TAFA2: variants seen among roughly 807,000 people sequenced by gnomAD.
TAFA2 encodes the protein TAFA chemokine like family member 2, also known as chemokine-like protein TAFA-2.
A neutral mutation model predicts 18.8 loss-of-function variants in TAFA2; 7 were observed. The ratio of observed to expected loss-of-function variants is 0.37; its 90% confidence interval spans 0.21 to 0.70. The LOEUF is 0.70. Ranked by LOEUF, TAFA2 falls within the 30% of genes least tolerant of loss-of-function variation. The probability of loss-of-function intolerance (pLI) is 0.53; values close to 1 mark genes in which losing one functional copy is unlikely to be tolerated. For missense variants in TAFA2, 122 were observed against 158.1 expected, an observed-to-expected ratio of 0.77 and a Z score of 1.23; for synonymous variants, 60 against 54.2, an observed-to-expected ratio of 1.11 and a Z score of -0.47.
At chr12:61,861,985 G>A (rs1478400762) in intron 2 of TAFA2, among the ~76,000 whole-genome samples, 1 of 151,624 alleles carries the variant, frequency 6.6e-6, no homozygotes, top group African/African-American at 2.4e-5. Flanking sequence ...TTTTTTCGTG[G>A]GTATAACTCA....
intron 4 of TAFA2, among the ~76,000 whole-genome samples, chr12:61,735,207 ATTTGCT>A (rs1868283866): frequency 6.6e-6 from 1 of 151,910 alleles, no homozygotes; most frequent in African/African-American, 2.4e-5. Flanking sequence ...TAGCAATAGT[ATTTGCT>A]GCAAATTCTT....
chr12:62,014,470 A>C (rs928086031), intron 1 of TAFA2, among the ~76,000 whole-genome samples: 1 of 152,130 alleles, frequency 6.6e-6, no homozygotes. Flanking sequence ...CTCTACAAAA[A>C]AAAATACAAA....
intron 1 of TAFA2, among the ~76,000 whole-genome samples, chr12:61,964,410 T>C (rs1056389654): frequency 1.3e-5 from 2 of 151,848 alleles, no homozygotes; most frequent in African/African-American, 4.8e-5. Flanking sequence ...TTCTACTGTC[T>C]TTCCTCTGTG....
chr12:62,010,778 G>A (rs1462908292), intron 1 of TAFA2, among the ~76,000 whole-genome samples: 3 of 150,472 alleles, frequency 2.0e-5, no homozygotes, highest in Non-Finnish European at 3.0e-5. Flanking sequence ...TGGGAGGTGA[G>A]GGGCGCCTCT....
chr12:61,779,331 C>T (rs1240575258), intron 2 of TAFA2, among the ~76,000 whole-genome samples: 3 of 151,770 alleles, frequency 2.0e-5, no homozygotes, highest in Non-Finnish European at 2.9e-5. Context: ...ACACTATGCA[C>T]TGGTAGAAAC....
At chr12:61,714,895 C>T (rs77296142) in intron 4 of TAFA2, among the ~76,000 whole-genome samples, 2,133 of 152,306 alleles carry the variant, frequency 0.014, 41 homozygotes, top group African/African-American at 0.049. Context: ...AGAGGCATAA[C>T]GACAAATAGC....
Position 61,761,616 on chromosome 12 carries a change from A to G in TAFA2, c.107-6592T>C, listed in dbSNP as rs560708286. On this transcript the variant is annotated intron_variant, in intron 2 of 4. Transcript: ENST00000416284. The stretch of plus-strand genomic sequence containing the variant: ...TGTGTGATGAGCATTATTTCATTTT[A>G]TCAATGCAATAACCACTGACAAGGA... 5.9e-5 allele frequency among the ~76,000 whole-genome samples: 9 copies of G among 152,218 alleles called. No homozygotes were observed. In the South Asian group the frequency reaches 1.5e-3, roughly 25 times the overall value.
intron 1 of TAFA2, among the ~76,000 whole-genome samples, chr12:62,216,020 G>A (rs1427166730): frequency 6.6e-6 from 1 of 152,092 alleles, no homozygotes; most frequent in Non-Finnish European, 1.5e-5. Flanking sequence ...CCTTCCCCAA[G>A]GGGACAGTAC....
chr12:61,728,082 G>A (rs1180486757), intron 4 of TAFA2, among the ~76,000 whole-genome samples: 1 of 146,690 alleles, frequency 6.8e-6, no homozygotes, highest in Non-Finnish European at 1.5e-5. Context: ...ACTGTGGTCA[G>A]AGAGAGTACT....
intron 1 of TAFA2, among the ~76,000 whole-genome samples, chr12:61,883,166 T>C (rs1875223651): frequency 6.6e-6 from 1 of 152,148 alleles, no homozygotes; most frequent in African/African-American, 2.4e-5. Context: ...GATGATAACA[T>C]AGTAAACAAA....
chr12:61,910,413 A>G (rs1263452548), intron 1 of TAFA2, among the ~76,000 whole-genome samples: 2 of 152,210 alleles, frequency 1.3e-5, no homozygotes, highest in Non-Finnish European at 2.9e-5. Flanking sequence ...AAGTTCAGCT[A>G]GCTGAGCATA....
chr12:61,728,801 GA>G (rs1164382845), intron 4 of TAFA2, among the ~76,000 whole-genome samples: 37 of 134,768 alleles, frequency 2.7e-4, no homozygotes, highest in Non-Finnish European at 1.4e-4. Flanking sequence ...CCAATACCTT[GA>G]TTTTTTTTTC....
At chr12:62,230,359 C>T (rs1322355478) in intron 1 of TAFA2, among the ~76,000 whole-genome samples, 1 of 151,966 alleles carries the variant, frequency 6.6e-6, no homozygotes, top group African/African-American at 2.4e-5. Context: ...CTACAAACTT[C>T]CCTCTTAGTA....
chr12:62,197,039 C>T (rs978355864), upstream of TAFA2, among the ~76,000 whole-genome samples: 10 of 152,262 alleles, frequency 6.6e-5, no homozygotes, highest in East Asian at 1.9e-4. Context: ...AGATCAGCTG[C>T]GGCATTAGAT....
chr12:62,030,458 C>G (rs978305909), intron 1 of TAFA2, among the ~76,000 whole-genome samples: 3 of 151,980 alleles, frequency 2.0e-5, no homozygotes, highest in East Asian at 1.9e-4. Context: ...GCAAAAGAAA[C>G]AAAAGTAGTG....
intron 2 of TAFA2, among the ~76,000 whole-genome samples, chr12:61,786,779 A>G (rs1404268622): frequency 6.6e-6 from 1 of 151,546 alleles, no homozygotes; most frequent in Admixed American, 6.6e-5. Context: ...CTATACGTGA[A>G]AGAGTATAAT....
intron 1 of TAFA2, among the ~76,000 whole-genome samples, chr12:61,868,382 C>A (rs998251398): frequency 7.9e-5 from 12 of 152,266 alleles, no homozygotes; most frequent in African/African-American, 2.6e-4. Context: ...TCAAGTCCAT[C>A]TCCATTTATT....
chr12:62,234,647 A>G (rs1204604696), intron 1 of TAFA2: 2 of 868,440 alleles, frequency 2.3e-6, no homozygotes, highest in Non-Finnish European at 3.9e-6. Flanking sequence ...GGTGGCTAAC[A>G]AGGTAGGAGC....
intron 1 of TAFA2, among the ~76,000 whole-genome samples, chr12:61,940,849 G>A (rs1877973755): frequency 6.6e-6 from 1 of 152,108 alleles, no homozygotes; most frequent in Non-Finnish European, 1.5e-5. Flanking sequence ...ATGGTTATGA[G>A]CTTTTCATTT....
Sources: gnomAD v4.1 joint callset for allele counts (sites outside exome capture counted in the v4.1 genomes callset) on GRCh38, gnomAD v4.1.1 for gene constraint, MANE v1.5 for transcripts, NCBI Gene and HGNC (gene_info 2026-07-23, HGNC 2026-07-21) for gene names.